Variants in DHX36 observed in about 807,000 individuals in gnomAD.
DHX36 encodes ATP-dependent DNA/RNA helicase DHX36.
Under a neutral mutation model 139.0 loss-of-function variants are expected in DHX36, and 50 were observed. The observed-to-expected ratio is 0.36, with a 90% CI of 0.29 to 0.46. The LOEUF is 0.46. Among genes scored for constraint, DHX36 ranks in the 20% least tolerant of loss-of-function variants. DHX36 has a pLI of 1.00. For synonymous variants in DHX36, 425 were observed against 401.9 expected (o/e 1.06, Z -0.69); for missense variants, 1,024 against 1,211.3 (o/e 0.85, Z 2.29).
chr3:154,312,889 ATATATATAT>A (rs1712825392), intron 3 of DHX36, among the ~76,000 whole-genome samples: 3 of 109,908 alleles, frequency 2.7e-5, no homozygotes, highest in Admixed American at 1.8e-4. Flanking sequence ...ATATATATAT[ATATATATAT>A]ATAAAATAAA....
At chr3:154,289,875 T>A in intron 15 of DHX36, 49 bp from the exon 16 acceptor site, 1 of 1,240,488 alleles carries the variant, frequency 8.1e-7, no homozygotes, top group Admixed American at 2.0e-5. Context: ...CAGTCATCAA[T>A]GACTTTTTAG....
At chr3:154,308,054 C>T (rs773809509) in intron 5 of DHX36, among the ~76,000 whole-genome samples, 4 of 152,002 alleles carry the variant, frequency 2.6e-5, no homozygotes, top group African/African-American at 2.4e-5. Flanking sequence ...GAATGGCAAA[C>T]GATGGAGACT....
At chr3:154,295,855 C>T (rs1712027241) in intron 12 of DHX36, among the ~76,000 whole-genome samples, 1 of 152,114 alleles carries the variant, frequency 6.6e-6, no homozygotes, top group South Asian at 2.1e-4. Context: ...GCAACCTCTG[C>T]CCCCTGGGCT....
chr3:154,323,334 TAA>T (rs879266652), intron 1 of DHX36, among the ~76,000 whole-genome samples: 3 of 144,240 alleles, frequency 2.1e-5, no homozygotes, highest in Non-Finnish European at 3.1e-5. Flanking sequence ...GACCCTGTCT[TAA>T]AAAAAAAAAA....
intron 22 of DHX36, chr3:154,279,835 G>A (rs1719275069): frequency 6.6e-6 from 1 of 152,040 alleles, no homozygotes. Context: ...CTGTTTTAAT[G>A]CCCACCTATG....
At position 154,310,662 on chromosome 3, in the gene DHX36, C is replaced by T. The variant is rs530730887; in HGVS notation, c.643-839G>A. ...TGGGCGTGGTGGGTGCCTGTAACCC[C>T]AGCTACTCGGGAAGCTGAGGCAGGA... On this transcript the variant is annotated intron_variant, in intron 4 of 24. Transcript: ENST00000496811. Among the ~76,000 whole-genome samples, 112 of 148,976 alleles carry T rather than the reference C, an allele frequency of 7.5e-4. 1 individual carries two copies. The highest frequency in any genetic ancestry group is 2.7e-3 in the African/African-American group (108 of 40,536).
rs111438553 is a variant in DHX36 at position 154,309,088 on chromosome 3, G to A, written c.813+565C>T. 1.8e-3 allele frequency among the ~76,000 whole-genome samples: 271 copies of A among 152,012 alleles called. 2 individuals are homozygous for A. Among genetic ancestry groups the A allele is most frequent in the African/African-American group, 6.2e-3 (256 of 41,492 alleles). On this transcript the variant is annotated intron_variant, in intron 5 of 24. Coordinates refer to ENST00000496811, the MANE Select transcript of DHX36 (RefSeq NM_020865.3). ...CTATAGTACCACCTACTTGGGGGGCGGAGGCAGGAGGATCACTTGAACCCT... is the reference window on the plus strand; with the variant it reads ...CTATAGTACCACCTACTTGGGGGGCAGAGGCAGGAGGATCACTTGAACCCT...
chr3:154,293,577 G>C lies in DHX36; in HGVS notation c.1670+171C>G, dbSNP rs561462813. On this transcript the variant is annotated intron_variant, in intron 14 of 24. Transcript: ENST00000496811. ...AGCATGGGTGACAGAATGAGACCTT[G>C]TCTCAAAAAAGCCCACAAAAAATAA... Among the ~76,000 whole-genome samples, 8 of 152,074 alleles carry C rather than the reference G, an allele frequency of 5.3e-5. No homozygotes were observed. In the South Asian group the frequency reaches 1.7e-3, roughly 32 times the overall value.
intron 12 of DHX36, among the ~76,000 whole-genome samples, chr3:154,299,129 C>T (rs911796630): frequency 1.3e-5 from 2 of 151,766 alleles, no homozygotes; most frequent in South Asian, 2.1e-4. Context: ...GAAAGTCAGC[C>T]GGGCATGGTG....
Position 154,312,852 on chromosome 3 carries a change from AATATATATATATATATATAT to A in DHX36, c.604-1198_604-1179del, listed in dbSNP as rs67771264. 7.5e-3 allele frequency among the ~76,000 whole-genome samples: 297 copies of A among 39,768 alleles called. 13 individuals are homozygous for A. Among genetic ancestry groups the A allele is most frequent in the East Asian group, 0.031 (28 of 914 alleles). 26.1% of individuals were successfully genotyped at this position (39,768 alleles called of 152,430 possible). A position where few individuals can be genotyped will look rare whatever the true frequency, so the allele number is the denominator to read the frequency against. ...CAAAAAAAAAAAAGGAAATAATTAAAATATATATATATATATATATATATATATATATATATATATATATA... is the reference window on the plus strand; with the variant it reads ...CAAAAAAAAAAAAGGAAATAATTAAAATATATATATATATATATATATATA... On this transcript the variant is annotated intron_variant, in intron 3 of 24. Coordinates refer to ENST00000496811, the MANE Select transcript of DHX36 (RefSeq NM_020865.3).
intron 15 of DHX36, among the ~76,000 whole-genome samples, chr3:154,290,143 G>C (rs1711730444): frequency 6.6e-6 from 1 of 152,128 alleles, no homozygotes; most frequent in Admixed American, 6.5e-5. Flanking sequence ...CCTAGGTTAA[G>C]GTTAAGAATA....
chr3:154,305,728 G>A (rs939558922), intron 6 of DHX36, among the ~76,000 whole-genome samples: 1 of 152,188 alleles, frequency 6.6e-6, no homozygotes, highest in Admixed American at 6.5e-5. Flanking sequence ...CTGCACCACT[G>A]CACTTCAGCC....
chr3:154,310,405 C>T (rs553571021), intron 4 of DHX36, among the ~76,000 whole-genome samples: 149 of 151,968 alleles, frequency 9.8e-4, no homozygotes, highest in African/African-American at 3.5e-3. Flanking sequence ...ACTGTATAAA[C>T]GAAGTCATCT....
Position 154,284,940 on chromosome 3 carries a change from C to T in DHX36, c.2079G>A (p.Leu693=), listed in dbSNP as rs1296258952. ...TATGTGGCTCAACGGGTAATCGTGC[C>T]AAGTGGACTCCAAGAGGTGTCAATT... The part of the protein sequence containing the change: ...QEELTPLGVH[L]ARLPVEPHIG... Residue 693 remains leucine (L), a synonymous_variant, in exon 18 of 25, where the codon TTG becomes TTA. Transcript: ENST00000496811. The T allele has an allele frequency of 1.9e-6, 3 of 1,613,990 alleles. No homozygotes were observed. The African/African-American group carries it at 4.0e-5, about 22-fold the overall frequency.
chr3:154,288,904 CAT>C lies in DHX36; in HGVS notation c.1991_1992del (p.Asn664ArgfsTer18). ...FLSRLMDPPS[N>X]EAVLLSIRHL... ...TGTCTTATGGAGAGTAACACTGCCT[CAT>C]TTGATGGTGGGTCCATTAATCTACT... On this transcript the variant is annotated frameshift_variant, in exon 17 of 25. Transcript: ENST00000496811. LOFTEE classifies it high-confidence loss of function. 1 of 1,593,724 alleles carries C rather than the reference CAT, an allele frequency of 6.3e-7. No individual in the cohort carries two copies. The highest frequency in any genetic ancestry group is 8.6e-7 in the Non-Finnish European group (1 of 1,169,212).
intron 1 of DHX36, among the ~76,000 whole-genome samples, chr3:154,317,379 G>A (rs1713027421): frequency 1.3e-5 from 2 of 152,128 alleles, no homozygotes; most frequent in South Asian, 4.2e-4. Context: ...AGTTATGATA[G>A]AAATTTTGGA....
At chr3:154,299,780 A>G in intron 12 of DHX36, 58 bp downstream of exon 12, 1 of 1,267,248 alleles carries the variant, frequency 7.9e-7, no homozygotes, top group South Asian at 1.2e-5. Context: ...AAAAATACAC[A>G]TCATATATAA....
intron 1 of DHX36, among the ~76,000 whole-genome samples, chr3:154,317,446 T>C (rs1398225806): frequency 6.6e-6 from 1 of 152,060 alleles, no homozygotes; most frequent in African/African-American, 2.4e-5. Context: ...TTACAAATAA[T>C]ACCACCTCCA....
intron 3 of DHX36, chr3:154,314,542 C>T (rs1357329357): frequency 6.6e-6 from 1 of 152,576 alleles, no homozygotes; most frequent in Non-Finnish European, 1.5e-5. Flanking sequence ...CTGAAAGGGA[C>T]CTTAAAATAT....
Sources: gnomAD v4.1 joint callset for allele counts (sites outside exome capture counted in the v4.1 genomes callset) on GRCh38, gnomAD v4.1.1 for gene constraint, MANE v1.5 for transcripts, NCBI Gene and HGNC (gene_info 2026-07-23, HGNC 2026-07-21) for gene names.